Variants in CACNA2D3 observed in about 807,000 individuals in gnomAD.
The protein encoded by CACNA2D3 is calcium voltage-gated channel auxiliary subunit alpha2delta 3.
In CACNA2D3, 60 loss-of-function variants were observed where a neutral mutation model predicts 160.6. That is an observed-to-expected ratio of 0.37 (90% CI 0.30 to 0.46). The LOEUF (loss-of-function observed/expected upper bound fraction) is 0.46. CACNA2D3 is among the 20% of genes least tolerant of loss of function. The probability of loss-of-function intolerance (pLI) is 1.00; values close to 1 mark genes in which losing one functional copy is unlikely to be tolerated. For missense variants in CACNA2D3, 1,205 were observed against 1,365.0 expected (o/e 0.88, Z 1.85); for synonymous variants, 558 against 492.9 (o/e 1.13, Z -1.75).
At position 55,024,886 on chromosome 3, in the gene CACNA2D3, C is replaced by T. The variant is rs75852172; in HGVS notation, c.2987+6569C>T. Among the ~76,000 whole-genome samples, 1,274 of 152,184 alleles carry T rather than the reference C, an allele frequency of 8.4e-3. 22 individuals carry two copies. Among genetic ancestry groups the T allele is most frequent in the African/African-American group, 0.029 (1,198 of 41,524 alleles). The stretch of plus-strand genomic sequence containing the variant: ...ATATGTCTCAGATATGATCACAGGC[C>T]GTGTGTGATGGAAGGGTTGTTGACA... On this transcript the variant is annotated intron_variant, in intron 35 of 37. Transcript: ENST00000474759.
At chr3:54,940,447 T>C (rs1318890932) in intron 27 of CACNA2D3, among the ~76,000 whole-genome samples, 1 of 152,230 alleles carries the variant, frequency 6.6e-6, no homozygotes, top group Non-Finnish European at 1.5e-5. Context: ...ACTGATATTT[T>C]ATTAAGCTCC....
intron 27 of CACNA2D3, among the ~76,000 whole-genome samples, chr3:54,915,960 G>C (rs916288098): frequency 1.3e-5 from 2 of 152,156 alleles, no homozygotes; most frequent in Non-Finnish European, 2.9e-5. Context: ...TTCTAGTCAC[G>C]TTCAGGGTTT....
At chr3:54,798,379 CA>C (rs901454138) in intron 13 of CACNA2D3, among the ~76,000 whole-genome samples, 7 of 151,292 alleles carry the variant, frequency 4.6e-5, no homozygotes, top group African/African-American at 1.7e-4. Context: ...CTAAAAATAC[CA>C]AAAAAAATAG....
intron 4 of CACNA2D3, among the ~76,000 whole-genome samples, chr3:54,444,026 C>A (rs1700183706): frequency 6.6e-6 from 1 of 152,168 alleles, no homozygotes; most frequent in African/African-American, 2.4e-5. Flanking sequence ...TATATCCCAG[C>A]AAGGCAAGGA....
intron 10 of CACNA2D3, among the ~76,000 whole-genome samples, chr3:54,631,856 C>G (rs776446940): frequency 6.6e-6 from 1 of 152,142 alleles, no homozygotes; most frequent in Non-Finnish European, 1.5e-5. Context: ...TCATTTTTGG[C>G]GATGAATGTG....
At chr3:54,543,226 T>C (rs564888773) in intron 5 of CACNA2D3, among the ~76,000 whole-genome samples, 4 of 152,180 alleles carry the variant, frequency 2.6e-5, no homozygotes, top group Non-Finnish European at 4.4e-5. Context: ...GCTTGGGAAA[T>C]TGATAAATGG....
At chr3:55,026,991 G>GCACA (rs57849063) in intron 35 of CACNA2D3, among the ~76,000 whole-genome samples, 275 of 151,028 alleles carry the variant, frequency 1.8e-3, no homozygotes, top group African/African-American at 6.3e-3. Flanking sequence ...GCGCATGCAC[G>GCACA]CACACACACA....
chr3:54,173,555 G>A (rs1700613386), intron 2 of CACNA2D3, among the ~76,000 whole-genome samples: 2 of 152,314 alleles, frequency 1.3e-5, no homozygotes, highest in South Asian at 4.1e-4. Flanking sequence ...TGCACCAAAG[G>A]CAGAAGCAAG....
chr3:54,805,383 C>A (rs1575485185), intron 13 of CACNA2D3, among the ~76,000 whole-genome samples: 1 of 152,154 alleles, frequency 6.6e-6, no homozygotes. Context: ...ACTACCGATC[C>A]CACAGAAATA....
At chr3:54,739,749 A>ATGTGTG (rs1451782803) in intron 11 of CACNA2D3, among the ~76,000 whole-genome samples, 24 of 80,768 alleles carry the variant, frequency 3.0e-4, no homozygotes, top group African/African-American at 1.4e-3. Context: ...TTCTCCTCAT[A>ATGTGTG]TATGTGTGTG....
chr3:54,661,578 A>G (rs1170355719), intron 11 of CACNA2D3, among the ~76,000 whole-genome samples: 4 of 152,318 alleles, frequency 2.6e-5, no homozygotes, highest in Admixed American at 2.0e-4. Flanking sequence ...CTACAGGTAC[A>G]TTAAAAAAAT....
At chr3:54,795,494 G>A (rs1164649836) in intron 13 of CACNA2D3, among the ~76,000 whole-genome samples, 1 of 152,100 alleles carries the variant, frequency 6.6e-6, no homozygotes, top group Non-Finnish European at 1.5e-5. Context: ...ATGTTTCTGA[G>A]TGTCTGGATT....
At chr3:54,383,292 G>C (rs912271294) in intron 3 of CACNA2D3, among the ~76,000 whole-genome samples, 6 of 152,126 alleles carry the variant, frequency 3.9e-5, no homozygotes, top group Non-Finnish European at 7.4e-5. Context: ...TTTCATGACT[G>C]TCGTACACAG....
intron 25 of CACNA2D3, among the ~76,000 whole-genome samples, chr3:54,895,898 A>G (rs772285641): frequency 1.3e-5 from 2 of 152,164 alleles, no homozygotes; most frequent in African/African-American, 2.4e-5. Flanking sequence ...AGAGTGCACA[A>G]ATGTGAACAA....
At position 54,840,719 on chromosome 3, in the gene CACNA2D3, A is replaced by ATTTT. The variant is rs35529003; in HGVS notation, c.1551+2088_1551+2091dup. 5.8e-4 allele frequency among the ~76,000 whole-genome samples: 50 copies of ATTTT among 85,740 alleles called. 1 individual carries two copies. The highest frequency in any genetic ancestry group is 2.1e-3 in the African/African-American group (45 of 21,216). The allele number at this position is 85,740 out of a possible 152,430, so 56.2% of individuals were successfully genotyped here. The stretch of plus-strand genomic sequence containing the variant: ...CCACTGCACCCTGCCAAGAGCCATG[A>ATTTT]TTTTTTTTTTTTTTTTTTTTGAGAC... On this transcript the variant is annotated intron_variant, in intron 16 of 37. Coordinates refer to ENST00000474759, the MANE Select transcript of CACNA2D3 (RefSeq NM_018398.3).
At chr3:54,616,628 G>A (rs1232474937) in intron 9 of CACNA2D3, among the ~76,000 whole-genome samples, 2 of 152,214 alleles carry the variant, frequency 1.3e-5, no homozygotes, top group Non-Finnish European at 2.9e-5. Flanking sequence ...CAAAAGGGAC[G>A]TCGATGTAGA....
Position 54,485,097 on chromosome 3 carries a change from G to A in CACNA2D3, c.382-18395G>A, listed in dbSNP as rs550952071. Reference sequence around the variant, plus strand: ...CCTGACCTCGTGATTTGCCCGCCTCGGCCTCCCAAAGTGCTGGGATTACAG... The same window carrying A: ...CCTGACCTCGTGATTTGCCCGCCTCAGCCTCCCAAAGTGCTGGGATTACAG... On this transcript the variant is annotated intron_variant, in intron 4 of 37. Coordinates refer to ENST00000474759, the MANE Select transcript of CACNA2D3 (RefSeq NM_018398.3). Among the ~76,000 whole-genome samples the A allele has an allele frequency of 9.4e-4, 142 of 151,864 alleles. 2 individuals are homozygous for A. The Middle Eastern group carries it at 0.014, about 15-fold the overall frequency.
intron 24 of CACNA2D3, among the ~76,000 whole-genome samples, 167 bp from the exon 25 acceptor site, chr3:54,891,188 T>C (rs1331173840): frequency 2.7e-5 from 4 of 148,582 alleles, no homozygotes; most frequent in African/African-American, 1.0e-4. Context: ...CTCGTGTGTG[T>C]GTGTGTGTGT....
intron 23 of CACNA2D3, among the ~76,000 whole-genome samples, chr3:54,886,007 G>A (rs370082716): frequency 1.3e-5 from 2 of 152,210 alleles, no homozygotes; most frequent in Non-Finnish European, 2.9e-5. Flanking sequence ...ACGGGGACAC[G>A]TAGCCTCTCA....
Sources: allele counts gnomAD v4.1 joint callset (sites outside exome capture counted in the v4.1 genomes callset), GRCh38; gene constraint gnomAD v4.1.1; transcripts MANE v1.5; gene names NCBI Gene and HGNC (gene_info 2026-07-23, HGNC 2026-07-21).